Variants in ALMS1 observed in about 807,000 individuals in gnomAD.
ALMS1 encodes ALMS1 centrosome and basal body associated protein, also known as centrosome-associated protein ALMS1.
Under a neutral mutation model 352.2 loss-of-function variants are expected in ALMS1, and 271 were observed. The ratio of observed to expected loss-of-function variants is 0.77; its 90% confidence interval spans 0.70 to 0.85. The LOEUF (loss-of-function observed/expected upper bound fraction) is 0.85. Ranked by LOEUF, ALMS1 falls within the 40% of genes least tolerant of loss-of-function variation. ALMS1 has a pLI of 0.00. For missense variants in ALMS1, 5,445 were observed against 4,870.7 expected, an observed-to-expected ratio of 1.12 and a Z score of -3.51; for synonymous variants, 1,865 against 1,761.2, an observed-to-expected ratio of 1.06 and a Z score of -1.48.
At chr2:73,578,034 T>G (rs1675089369) in intron 16 of ALMS1, among the ~76,000 whole-genome samples, 1 of 152,180 alleles carries the variant, frequency 6.6e-6, no homozygotes, top group Non-Finnish European at 1.5e-5. Flanking sequence ...TCTGTCAGTT[T>G]TTTGCTTCAT....
chr2:73,399,935 TG>T (rs1412339668), intron 1 of ALMS1, among the ~76,000 whole-genome samples: 8 of 148,830 alleles, frequency 5.4e-5, no homozygotes, highest in South Asian at 2.1e-4. Flanking sequence ...TTATATTAAT[TG>T]TTTTTTTTTT....
intron 9 of ALMS1, among the ~76,000 whole-genome samples, chr2:73,467,819 CA>C (rs1327623747): frequency 6.6e-6 from 1 of 151,900 alleles, no homozygotes; most frequent in Non-Finnish European, 1.5e-5. Flanking sequence ...TTATGGTTAG[CA>C]AAAAAGCCAG....
intron 15 of ALMS1, among the ~76,000 whole-genome samples, chr2:73,569,121 TCTC>T (rs1674868092): frequency 6.7e-6 from 1 of 149,042 alleles, no homozygotes; most frequent in African/African-American, 2.5e-5. Flanking sequence ...TTTAAGCAGT[TCTC>T]CTTCCTCAGC....
intron 11 of ALMS1, among the ~76,000 whole-genome samples, chr2:73,520,776 C>G (rs1197031800): frequency 6.6e-6 from 1 of 152,148 alleles, no homozygotes; most frequent in Non-Finnish European, 1.5e-5. Flanking sequence ...GCTATAGTTT[C>G]AGTGATATTT....
At chr2:73,435,189 A>C (rs937626665) in intron 7 of ALMS1, among the ~76,000 whole-genome samples, 7 of 152,180 alleles carry the variant, frequency 4.6e-5, no homozygotes, top group Non-Finnish European at 8.8e-5. Context: ...TTTTAATTTT[A>C]AAATTCTATC....
intron 1 of ALMS1, 138 bp downstream of exon 1, chr2:73,386,330 TC>T: frequency 8.1e-7 from 1 of 1,239,050 alleles, no homozygotes; most frequent in Non-Finnish European, 1.1e-6. Flanking sequence ...CGGCCCAGAC[TC>T]CAGCCCAGGT....
intron 16 of ALMS1, among the ~76,000 whole-genome samples, chr2:73,576,812 G>A (rs893424358): frequency 1.3e-5 from 2 of 151,994 alleles, no homozygotes; most frequent in South Asian, 2.1e-4. Context: ...AGTAGAGACA[G>A]GGTTTCACCA....
At position 73,491,693 on chromosome 2, in the gene ALMS1, A is replaced by G. The variant is rs187055757; in HGVS notation, c.9539+195A>G. Among the ~76,000 whole-genome samples the G allele has an allele frequency of 1.1e-3, 173 of 152,252 alleles. 1 individual carries two copies. The highest frequency in any genetic ancestry group is 3.5e-3 in the African/African-American group (146 of 41,590). The stretch of plus-strand genomic sequence containing the variant: ...GAGAACATGTGACAGTAATGCATTT[A>G]TATTTCAGAGGGCTTTTGGCAAGAC... On this transcript the variant is annotated intron_variant, in intron 10 of 22. Coordinates refer to ENST00000613296, the MANE Select transcript of ALMS1 (RefSeq NM_001378454.1).
rs541827475 is a variant in ALMS1, at chr2:73,408,732, T to C, written c.435T>C (p.Gly145=). ...GTTTGGAAACAACAGCTCAGCGGGG[T>C]TCTGGGGATGATCAGGTATGTCTTC... ...VVCLETTAQR[G]SGDDQKTESW... is the part of the protein sequence containing the mutation. Residue 145 remains glycine, a synonymous_variant, in exon 2 of 23, where the codon GGT becomes GGC. Coordinates refer to ENST00000613296, the MANE Select transcript of ALMS1 (RefSeq NM_001378454.1). 5.0e-6 allele frequency: 8 copies of C among 1,613,460 alleles called. No homozygotes were observed. The East Asian group carries it at 1.8e-4, about 36-fold the overall frequency.
chr2:73,536,626 CT>C (rs1445544804), intron 12 of ALMS1, among the ~76,000 whole-genome samples: 15 of 152,216 alleles, frequency 9.9e-5, no homozygotes, highest in African/African-American at 3.4e-4. Context: ...TGTTGTACAT[CT>C]ATAGCTATGA....
chr2:73,599,187 C>T lies in ALMS1; in HGVS notation c.11548-214C>T, dbSNP rs142826483. Among the ~76,000 whole-genome samples the T allele has an allele frequency of 1.3e-3, 195 of 152,058 alleles. 4 individuals are homozygous for T. In the Middle Eastern group the frequency reaches 0.02, roughly 16 times the overall value. On this transcript the variant is annotated intron_variant, in intron 16 of 22. Coordinates refer to ENST00000613296, the MANE Select transcript of ALMS1 (RefSeq NM_001378454.1). ...TGAAAATAGCCAGGCTTTTTTTTGT[C>T]TTACCACCTTATAACAGCTTAAGTC...
intron 1 of ALMS1, among the ~76,000 whole-genome samples, chr2:73,392,760 G>T (rs1238931656): frequency 6.6e-6 from 1 of 151,806 alleles, no homozygotes; most frequent in Non-Finnish European, 1.5e-5. Flanking sequence ...TGATGGACAT[G>T]TTTTTTTTCC....
intron 12 of ALMS1, among the ~76,000 whole-genome samples, chr2:73,537,650 G>A (rs74781680): frequency 0.016 from 2,468 of 152,240 alleles, 67 homozygotes; most frequent in African/African-American, 0.056. Flanking sequence ...ACAACATAAA[G>A]CAACAACACC....
intron 16 of ALMS1, among the ~76,000 whole-genome samples, chr2:73,575,980 T>G (rs994302549): frequency 1.3e-5 from 2 of 152,238 alleles, no homozygotes; most frequent in South Asian, 2.1e-4. Context: ...TGATCCATTT[T>G]GAGTTAATTT....
intron 10 of ALMS1, among the ~76,000 whole-genome samples, chr2:73,503,232 A>G (rs1673252594): frequency 6.6e-6 from 1 of 151,970 alleles, no homozygotes; most frequent in Non-Finnish European, 1.5e-5. Context: ...ATATCTCCTA[A>G]TGCTATCCCT....
At chr2:73,493,110 A>T (rs978698068) in intron 10 of ALMS1, among the ~76,000 whole-genome samples, 7 of 152,202 alleles carry the variant, frequency 4.6e-5, no homozygotes, top group Non-Finnish European at 1.0e-4. Context: ...AAAGTAATAG[A>T]TGATTATATA....
intron 16 of ALMS1, among the ~76,000 whole-genome samples, chr2:73,578,766 A>T (rs1339151480): frequency 1.3e-5 from 2 of 152,148 alleles, no homozygotes; most frequent in African/African-American, 4.8e-5. Flanking sequence ...ACTAAAATAG[A>T]TTTATAATTA....
chr2:73,544,138 T>A (rs1674259104), intron 12 of ALMS1, among the ~76,000 whole-genome samples: 1 of 152,178 alleles, frequency 6.6e-6, no homozygotes, highest in Non-Finnish European at 1.5e-5. Context: ...AATGATAGAC[T>A]GGATTAATTA....
At chr2:73,542,141 C>G (rs1214358977) in intron 12 of ALMS1, among the ~76,000 whole-genome samples, 1 of 152,164 alleles carries the variant, frequency 6.6e-6, no homozygotes, top group Non-Finnish European at 1.5e-5. Flanking sequence ...AAAACCGAAT[C>G]CAGCAGCACA....
Sources: gnomAD v4.1 joint callset for allele counts (sites outside exome capture counted in the v4.1 genomes callset) on GRCh38, gnomAD v4.1.1 for gene constraint, MANE v1.5 for transcripts, NCBI Gene and HGNC (gene_info 2026-07-23, HGNC 2026-07-21) for gene names.